Variants in LCORL observed in about 807,000 individuals in gnomAD.
LCORL encodes the protein ligand dependent nuclear receptor corepressor like, also known as ligand-dependent nuclear receptor corepressor-like protein.
LCORL carries 41 observed loss-of-function variants against 141.8 expected under a neutral mutation model. The ratio of observed to expected loss-of-function variants is 0.29; its 90% CI spans 0.23 to 0.38. The LOEUF is 0.38. Among genes scored for constraint, LCORL ranks in the 10% least tolerant of loss-of-function variants. The probability of loss-of-function intolerance (pLI) is 1.00; values close to 1 mark genes in which losing one functional copy is unlikely to be tolerated. For synonymous variants in LCORL, 618 were observed against 694.1 expected, an observed-to-expected ratio of 0.89 and a Z score of 1.72; for missense variants, 1,759 against 2,035.0, an observed-to-expected ratio of 0.86 and a Z score of 2.61.
At chr4:17,843,392 C>G (rs746454706) in exon 8 of LCORL, 29 of 1,611,614 alleles carry the variant, frequency 1.8e-5, no homozygotes, top group Non-Finnish European at 2.3e-5. Context: ...GTAAACTTAA[C>G]CTTGCCCAAT....
intron 1 of LCORL, among the ~76,000 whole-genome samples, chr4:18,010,552 C>T (rs1287731390): frequency 5.3e-5 from 8 of 151,966 alleles, no homozygotes; most frequent in African/African-American, 1.9e-4. Context: ...CGGGTTCAAG[C>T]GATTCTCCTG....
intron 5 of LCORL, among the ~76,000 whole-genome samples, chr4:17,900,303 C>G (rs1026890257): frequency 1.2e-4 from 18 of 152,132 alleles, no homozygotes; most frequent in Admixed American, 3.3e-4. Flanking sequence ...TTTGAACAAT[C>G]TCTTGATTTT....
exon 7 of LCORL, chr4:17,874,533 T>C (rs768383182): frequency 1.5e-4 from 186 of 1,233,842 alleles, no homozygotes; most frequent in Non-Finnish European, 1.9e-4. Context: ...AACTTCAAGT[T>C]CTAAAAGACA....
chr4:17,896,267 C>T (rs1729906384), intron 5 of LCORL, among the ~76,000 whole-genome samples: 1 of 152,048 alleles, frequency 6.6e-6, no homozygotes, highest in Non-Finnish European at 1.5e-5. Context: ...TTCTTTTCTC[C>T]TCTCCTTTCC....
intron 6 of LCORL, chr4:17,882,791 C>A: frequency 1.0e-6 from 1 of 984,750 alleles, no homozygotes; most frequent in Non-Finnish European, 1.2e-6. Context: ...GTAGTCATAA[C>A]ATCAACTAAC....
intron 4 of LCORL, among the ~76,000 whole-genome samples, chr4:17,952,810 G>A (rs1349111352): frequency 6.6e-6 from 1 of 152,116 alleles, no homozygotes; most frequent in Non-Finnish European, 1.5e-5. Context: ...TTGGTGCACA[G>A]ACCATTTCAA....
exon 7 of LCORL, chr4:17,874,688 G>C (rs1232386523): frequency 8.1e-7 from 1 of 1,233,604 alleles, no homozygotes; most frequent in Non-Finnish European, 1.0e-6. Context: ...CCTCTAATAA[G>C]GAATCATTTG....
rs192974248 is a variant in LCORL at position 17,862,590 on chromosome 4, C to T, written c.5602+10798G>A. 2.8e-4 allele frequency among the ~76,000 whole-genome samples: 42 copies of T among 152,318 alleles called. No homozygotes were observed. In the East Asian group the frequency reaches 7.3e-3, roughly 27 times the overall value. ...AGCTGCACATCTACAACCATCTGAT[C>T]CTTGACAAAGCTGACAAAAACAAGC... On this transcript the variant is annotated intron_variant, in intron 7 of 7. Coordinates refer to ENST00000635767, the Ensembl canonical transcript of LCORL.
At chr4:17,858,583 C>T (rs1249916431) in intron 7 of LCORL, among the ~76,000 whole-genome samples, 3 of 151,526 alleles carry the variant, frequency 2.0e-5, no homozygotes, top group East Asian at 1.9e-4. Flanking sequence ...ACAAAATTAG[C>T]CAGGCATGGT....
intron 4 of LCORL, chr4:17,912,785 G>A (rs896887962): frequency 9.5e-6 from 4 of 422,804 alleles, no homozygotes; most frequent in African/African-American, 6.0e-5. Context: ...CCAGGAGTAC[G>A]AGGTCCTGCC....
At chr4:17,964,515 T>C (rs559035833) in intron 2 of LCORL, among the ~76,000 whole-genome samples, 1 of 151,924 alleles carries the variant, frequency 6.6e-6, no homozygotes, top group Non-Finnish European at 1.5e-5. Flanking sequence ...TTTAATTAAA[T>C]TTTAATTAAG....
At chr4:18,020,713 G>C (rs1001047353) in intron 1 of LCORL, 4 of 152,838 alleles carry the variant, frequency 2.6e-5, no homozygotes, top group Middle Eastern at 3.4e-3. Flanking sequence ...AATTGCAGTT[G>C]AATGGGGATG....
At chr4:17,957,643 T>C (rs963034641) in intron 4 of LCORL, among the ~76,000 whole-genome samples, 2 of 151,984 alleles carry the variant, frequency 1.3e-5, no homozygotes, top group African/African-American at 4.8e-5. Context: ...TTATCAGAAA[T>C]GTAAAAAGTC....
chr4:17,956,160 AC>A (rs1712584746), intron 4 of LCORL, among the ~76,000 whole-genome samples: 1 of 152,120 alleles, frequency 6.6e-6, no homozygotes, highest in Non-Finnish European at 1.5e-5. Context: ...ACAAATAATA[AC>A]AAATGCTGGC....
At chr4:17,932,624 T>C (rs374069614) in intron 4 of LCORL, among the ~76,000 whole-genome samples, 124 of 152,308 alleles carry the variant, frequency 8.1e-4, no homozygotes, top group African/African-American at 2.8e-3. Context: ...TTGCAAGAAA[T>C]GTGCCATAGA....
At chr4:17,963,357 T>C (rs981003094) in intron 2 of LCORL, among the ~76,000 whole-genome samples, 1 of 152,014 alleles carries the variant, frequency 6.6e-6, no homozygotes, top group Non-Finnish European at 1.5e-5. Context: ...TCATTGTGCT[T>C]TAATTTTATT....
intron 1 of LCORL, among the ~76,000 whole-genome samples, chr4:18,000,048 ACT>A (rs1400390396): frequency 6.6e-6 from 1 of 152,110 alleles, no homozygotes; most frequent in Non-Finnish European, 1.5e-5. Context: ...TTTTAAGGTA[ACT>A]CTGCACATCT....
intron 1 of LCORL, among the ~76,000 whole-genome samples, chr4:17,998,149 G>T (rs1250190662): frequency 1.2e-4 from 19 of 152,094 alleles, no homozygotes; most frequent in Admixed American, 1.0e-3. Context: ...TGGTATAAAA[G>T]ATACAAAATA....
At chr4:18,000,837 A>C (rs1198686810) in intron 1 of LCORL, among the ~76,000 whole-genome samples, 2 of 152,220 alleles carry the variant, frequency 1.3e-5, no homozygotes. Context: ...GGTGGTGGTT[A>C]TAAGAGTATG....
Sources: allele counts gnomAD v4.1 joint callset (sites outside exome capture counted in the v4.1 genomes callset), GRCh38; gene constraint gnomAD v4.1.1; transcripts MANE v1.5; gene names NCBI Gene and HGNC (gene_info 2026-07-23, HGNC 2026-07-21).